The following RASGRP3 variants were observed in gnomAD, a reference collection of about 807,000 sequenced individuals.
RASGRP3 encodes RAS guanyl releasing protein 3, also known as ras guanyl-releasing protein 3.
In RASGRP3, 54 loss-of-function variants were observed where a neutral mutation model predicts 82.7. The ratio of observed to expected loss-of-function variants is 0.65; its 90% CI spans 0.52 to 0.82. The LOEUF is 0.82. Among genes scored for constraint, RASGRP3 ranks in the 40% least tolerant of loss-of-function variants. The probability of loss-of-function intolerance (pLI) is 0.00; values close to 1 mark genes in which losing one functional copy is unlikely to be tolerated. For missense variants in RASGRP3, 861 were observed against 828.9 expected, an observed-to-expected ratio of 1.04 and a Z score of -0.48; for synonymous variants, 309 against 300.5, an observed-to-expected ratio of 1.03 and a Z score of -0.29.
intron 1 of RASGRP3, among the ~76,000 whole-genome samples, chr2:33,445,966 C>CT (rs1333599486): frequency 4.0e-5 from 6 of 151,886 alleles, no homozygotes; most frequent in Non-Finnish European, 8.8e-5. Flanking sequence ...AAATGGAATT[C>CT]TTTTTTTTAA....
rs867932582 is a variant in RASGRP3, at chr2:33,556,499, G to A, written c.1579+932G>A. Among the ~76,000 whole-genome samples the A allele has an allele frequency of 1.6e-4, 14 of 87,340 alleles. 2 individuals carry two copies. The South Asian group carries it at 4.1e-3, about 26-fold the overall frequency. 57.3% of individuals were successfully genotyped at this position (87,340 alleles called of 152,430 possible). A position where few individuals can be genotyped will look rare whatever the true frequency, so the allele number is the denominator to read the frequency against. On this transcript the variant is annotated intron_variant, in intron 15 of 17. Transcript: ENST00000403687. ...CCTGACCTCATGATCCACCCGCCTC[G>A]GCCTCCCAAAGTGCTGGGATTACAG...
intron 5 of RASGRP3, 150 bp downstream of exon 5, chr2:33,520,164 TGGGTG>T (rs767774248): frequency 5.1e-4 from 330 of 651,622 alleles, no homozygotes; most frequent in Non-Finnish European, 6.8e-4. Context: ...TCTCCTCTGT[TGGGTG>T]GGGTGGGGGG....
Position 33,562,823 on chromosome 2 carries a change from G to GAAGT in RASGRP3, c.*87_*90dup. On this transcript the variant is annotated 3_prime_UTR_variant, in exon 18 of 18. Transcript: ENST00000403687. The stretch of plus-strand genomic sequence containing the variant: ...CTCTGAAGAAAGCTCTGACTCTCAG[G>GAAGT]AAGTTATCTGGAAAGATACCTGGAT... 6.6e-7 allele frequency: 1 copy of GAAGT among 1,516,440 alleles called. No individual in the cohort carries two copies. The highest frequency in any genetic ancestry group is 9.1e-7 in the Non-Finnish European group (1 of 1,095,680). 93.9% of individuals were successfully genotyped at this position (1,516,440 alleles called of 1,614,324 possible).
At chr2:33,523,183 G>A (rs1414782455) in intron 7 of RASGRP3, among the ~76,000 whole-genome samples, 1 of 152,068 alleles carries the variant, frequency 6.6e-6, no homozygotes, top group African/African-American at 2.4e-5. Context: ...GTTAAAAATG[G>A]AGATTCTTGG....
intron 13 of RASGRP3, among the ~76,000 whole-genome samples, chr2:33,544,648 T>G (rs574559337): frequency 6.6e-6 from 1 of 152,252 alleles, no homozygotes; most frequent in Admixed American, 6.5e-5. Context: ...AATGGGCAAA[T>G]TAAATTACAT....
At chr2:33,562,182 A>G (rs1676736610) in intron 17 of RASGRP3, among the ~76,000 whole-genome samples, 1 of 151,600 alleles carries the variant, frequency 6.6e-6, no homozygotes, top group Non-Finnish European at 1.5e-5. Flanking sequence ...TTTGTGGTAC[A>G]CCCTTTAAGG....
intron 2 of RASGRP3, among the ~76,000 whole-genome samples, chr2:33,471,564 T>TTTTTTA (rs1448486089): frequency 2.0e-5 from 3 of 152,094 alleles, no homozygotes; most frequent in African/African-American, 7.2e-5. Flanking sequence ...ATCAGTTTTT[T>TTTTTTA]TTTTTAAGAC....
intron 13 of RASGRP3, among the ~76,000 whole-genome samples, chr2:33,544,851 A>G (rs1674589586): frequency 6.6e-6 from 1 of 152,158 alleles, no homozygotes; most frequent in South Asian, 2.1e-4. Flanking sequence ...TTTTAATTGA[A>G]TTTAAAAAAT....
chr2:33,471,687 TA>T, upstream of RASGRP3, among the ~76,000 whole-genome samples: 1 of 152,284 alleles, frequency 6.6e-6, no homozygotes, highest in East Asian at 1.9e-4. Context: ...TAATCTGAAC[TA>T]AGAGCTTTTT....
chr2:33,459,166 G>A (rs1166511691), intron 2 of RASGRP3, among the ~76,000 whole-genome samples: 6 of 151,832 alleles, frequency 4.0e-5, no homozygotes, highest in East Asian at 1.9e-4. Context: ...TCGCTCTGTC[G>A]CTCTGTTGCC....
At position 33,462,375 on chromosome 2, in the gene RASGRP3, T is replaced by G. The variant is rs200490356; in HGVS notation, c.-261+14432T>G. Among the ~76,000 whole-genome samples, 62 of 143,674 alleles carry G rather than the reference T, an allele frequency of 4.3e-4. No individual in the cohort carries two copies. In the East Asian group the frequency reaches 9.0e-3, roughly 21 times the overall value. 94.3% of individuals were successfully genotyped at this position (143,674 alleles called of 152,430 possible). On this transcript the variant is annotated intron_variant, in intron 2 of 18. Coordinates refer to the RASGRP3 transcript ENST00000402538. ...CAAGAGGATGTAGAGGTTTTTTTTT[T>G]TTGTTTTTCTTTTTTTTTTTTTAAG...
chr2:33,527,535 G>C, intron 10 of RASGRP3, 123 bp downstream of exon 10: 1 of 1,032,120 alleles, frequency 9.7e-7, no homozygotes, highest in Non-Finnish European at 1.4e-6. Flanking sequence ...GTCAATAGAT[G>C]AGAGGAAATC....
At chr2:33,493,705 A>G (rs1669058837) in intron 1 of RASGRP3, among the ~76,000 whole-genome samples, 1 of 151,916 alleles carries the variant, frequency 6.6e-6, no homozygotes, top group African/African-American at 2.4e-5. Context: ...CAGGGATTAG[A>G]GCTTTTTATT....
chr2:33,530,027 A>G (rs1488667178), intron 10 of RASGRP3, among the ~76,000 whole-genome samples: 1 of 152,208 alleles, frequency 6.6e-6, no homozygotes, highest in African/African-American at 2.4e-5. Context: ...CCTGAGGATT[A>G]ATCTCCTCAA....
rs1191630132 is a variant in RASGRP3 at position 33,520,546 on chromosome 2, C to T, written c.237-7C>T. Reference sequence around the variant, plus strand: ...TCCAGCTGCCAAAAATATTTGATGCCTTTCAGGTACTGGATTCTGAAGTTT... The same window carrying T: ...TCCAGCTGCCAAAAATATTTGATGCTTTTCAGGTACTGGATTCTGAAGTTT... On this transcript the variant is annotated splice_polypyrimidine_tract_variant and splice_region_variant and intron_variant, in intron 5 of 17. Coordinates refer to ENST00000403687, the MANE Select transcript of RASGRP3 (RefSeq NM_001139488.2). 1.2e-6 allele frequency: 2 copies of T among 1,613,336 alleles called. No homozygotes were observed. The highest frequency in any genetic ancestry group is 2.7e-5 in the African/African-American group (2 of 74,910).
chr2:33,477,332 T>C (rs143856091), intron 1 of RASGRP3, among the ~76,000 whole-genome samples: 26 of 152,370 alleles, frequency 1.7e-4, no homozygotes, highest in African/African-American at 6.0e-4. Flanking sequence ...CTGTATTTTA[T>C]AGCGACTTTT....
At chr2:33,481,510 A>G (rs1667893725) in intron 1 of RASGRP3, 1 of 152,120 alleles carries the variant, frequency 6.6e-6, no homozygotes, top group African/African-American at 2.4e-5. Context: ...TTTCATGACC[A>G]TGCACTTACA....
chr2:33,530,667 A>G (rs1193941515), intron 10 of RASGRP3, among the ~76,000 whole-genome samples: 10 of 152,154 alleles, frequency 6.6e-5, no homozygotes, highest in Non-Finnish European at 1.5e-5. Flanking sequence ...GTAAAAATTA[A>G]TTAATACTGC....
intron 13 of RASGRP3, among the ~76,000 whole-genome samples, chr2:33,545,374 A>G (rs192607412): frequency 6.6e-6 from 1 of 152,244 alleles, no homozygotes; most frequent in East Asian, 1.9e-4. Flanking sequence ...GTACTTTTGA[A>G]AAAGGAACTA....
Sources: allele counts gnomAD v4.1 joint callset (sites outside exome capture counted in the v4.1 genomes callset), GRCh38; gene constraint gnomAD v4.1.1; transcripts MANE v1.5; gene names NCBI Gene and HGNC (gene_info 2026-07-23, HGNC 2026-07-21).